PPFIA2: variants seen among roughly 807,000 people sequenced by gnomAD.
PPFIA2 encodes the protein liprin-alpha-2.
In PPFIA2, 46 loss-of-function variants were observed where a neutral mutation model predicts 175.5. That is an observed-to-expected ratio of 0.26 (90% CI 0.21 to 0.34). The LOEUF (loss-of-function observed/expected upper bound fraction) is 0.34. Among genes scored for constraint, PPFIA2 ranks in the 10% least tolerant of loss-of-function variants. PPFIA2 has a pLI of 1.00. For missense variants in PPFIA2, 1,179 were observed against 1,506.1 expected, an observed-to-expected ratio of 0.78 and a Z score of 3.60; for synonymous variants, 568 against 511.4, an observed-to-expected ratio of 1.11 and a Z score of -1.49.
chr12:81,383,363 T>C (rs1322732190), intron 9 of PPFIA2, among the ~76,000 whole-genome samples: 3 of 152,114 alleles, frequency 2.0e-5, no homozygotes, highest in Non-Finnish European at 4.4e-5. Context: ...GGTGAAAAAG[T>C]GAAAAGATTC....
chr12:81,360,413 A>AT (rs2061433187), intron 15 of PPFIA2, among the ~76,000 whole-genome samples: 1 of 151,770 alleles, frequency 6.6e-6, no homozygotes, highest in African/African-American at 2.4e-5. Flanking sequence ...CCAGGTAAGA[A>AT]TTTTTTTAGA....
At chr12:81,380,216 T>A (rs1303803336) in intron 9 of PPFIA2, among the ~76,000 whole-genome samples, 1 of 151,968 alleles carries the variant, frequency 6.6e-6, no homozygotes, top group East Asian at 1.9e-4. Flanking sequence ...AACACAAAAA[T>A]TTTCCAGACA....
chr12:81,467,661 T>A (rs1480922172), intron 4 of PPFIA2, among the ~76,000 whole-genome samples: 1 of 152,244 alleles, frequency 6.6e-6, no homozygotes, highest in Non-Finnish European at 1.5e-5. Context: ...TCTCTCTGAT[T>A]GCATCTATTA....
At chr12:81,753,812 C>T (rs949281210) in intron 3 of PPFIA2, among the ~76,000 whole-genome samples, 161 bp downstream of exon 3, 2 of 152,156 alleles carry the variant, frequency 1.3e-5, no homozygotes, top group Non-Finnish European at 2.9e-5. Flanking sequence ...TTGTTTGAGG[C>T]AAGGTTTCAA....
chr12:81,510,250 T>C (rs1375679302), intron 4 of PPFIA2, among the ~76,000 whole-genome samples: 2 of 152,094 alleles, frequency 1.3e-5, no homozygotes, highest in Admixed American at 1.3e-4. Context: ...TGTGTTTCTG[T>C]ATGTGTGTGT....
chr12:81,513,668 C>A (rs765486289), intron 4 of PPFIA2, among the ~76,000 whole-genome samples: 1 of 151,924 alleles, frequency 6.6e-6, no homozygotes, highest in African/African-American at 2.4e-5. Flanking sequence ...ATTTGTGTAA[C>A]AGTTTACTTT....
intron 4 of PPFIA2, among the ~76,000 whole-genome samples, chr12:81,536,942 A>C (rs1211331640): frequency 6.6e-6 from 1 of 151,116 alleles, no homozygotes; most frequent in Admixed American, 6.6e-5. Context: ...ACATTTTTTA[A>C]AATTCATGAT....
rs35082036 is a variant in PPFIA2 at position 81,639,540 on chromosome 12, T to TAA, written c.303+37249_303+37250dup. Reference sequence around the variant, plus strand: ...ACAATTACAAAGAACATCTACTCGGTAAAAAAAATATATATATATATAGTA... The same window carrying TAA: ...ACAATTACAAAGAACATCTACTCGGTAAAAAAAAAATATATATATATATAGTA... On this transcript the variant is annotated intron_variant, in intron 4 of 32. Coordinates refer to ENST00000549396, the MANE Select transcript of PPFIA2 (RefSeq NM_003625.5). 3.7e-4 allele frequency among the ~76,000 whole-genome samples: 55 copies of TAA among 150,632 alleles called. No homozygotes were observed. The East Asian group carries it at 3.7e-3, about 10-fold the overall frequency.
chr12:81,284,941 G>C (rs1014193369), intron 24 of PPFIA2, among the ~76,000 whole-genome samples: 1 of 152,076 alleles, frequency 6.6e-6, no homozygotes, highest in Non-Finnish European at 1.5e-5. Context: ...TTAATAAAAT[G>C]TATTTTTTAG....
At chr12:81,488,277 T>C (rs1419684368) in intron 4 of PPFIA2, among the ~76,000 whole-genome samples, 1 of 151,700 alleles carries the variant, frequency 6.6e-6, no homozygotes, top group Non-Finnish European at 1.5e-5. Context: ...GACAAGTGAG[T>C]AAAGTGTACT....
intron 4 of PPFIA2, among the ~76,000 whole-genome samples, chr12:81,552,564 T>C (rs901740065): frequency 6.6e-6 from 1 of 151,844 alleles, no homozygotes; most frequent in African/African-American, 2.4e-5. Context: ...GATGACTATA[T>C]CAATAAAAAC....
intron 4 of PPFIA2, among the ~76,000 whole-genome samples, chr12:81,600,478 C>G (rs2059674874): frequency 6.6e-6 from 1 of 151,654 alleles, no homozygotes; most frequent in Non-Finnish European, 1.5e-5. Flanking sequence ...TATTTATTTC[C>G]TTAACTATAA....
chr12:81,683,532 T>C (rs1308310649), intron 3 of PPFIA2, among the ~76,000 whole-genome samples: 3 of 152,076 alleles, frequency 2.0e-5, no homozygotes, highest in Non-Finnish European at 4.4e-5. Flanking sequence ...AACTTATTGC[T>C]ATGCTCTGCC....
Position 81,384,331 on chromosome 12 carries a change from C to T in PPFIA2, c.763-87G>A, listed in dbSNP as rs902147737. On this transcript the variant is annotated intron_variant, in intron 8 of 32. Transcript: ENST00000549396. ...TAAACTTAAAGAAATTAAACTGACA[C>T]TGCTTTCACAGTGAGAAATAAGAAA... 3 of 962,842 alleles carry T rather than the reference C, an allele frequency of 3.1e-6. No individual in the cohort carries two copies. In the African/African-American group the frequency reaches 5.1e-5, roughly 16 times the overall value. The allele number at this position is 962,842 out of a possible 1,614,324, so 59.6% of individuals were successfully genotyped here.
chr12:81,741,318 T>C (rs950160923), intron 3 of PPFIA2, among the ~76,000 whole-genome samples: 19 of 152,194 alleles, frequency 1.2e-4, no homozygotes, highest in Non-Finnish European at 2.5e-4. Context: ...TTGTTTTCAT[T>C]AAGATTTTTA....
chr12:81,455,759 G>A (rs2053468524), intron 5 of PPFIA2, among the ~76,000 whole-genome samples: 1 of 152,180 alleles, frequency 6.6e-6, no homozygotes, highest in African/African-American at 2.4e-5. Flanking sequence ...AAGTCTTTGA[G>A]TAATAATGCT....
chr12:81,602,792 C>T (rs1229004462), intron 4 of PPFIA2, among the ~76,000 whole-genome samples: 1 of 151,732 alleles, frequency 6.6e-6, no homozygotes, highest in African/African-American at 2.4e-5. Context: ...GACAGAACTC[C>T]TTAATTGCGG....
intron 4 of PPFIA2, among the ~76,000 whole-genome samples, chr12:81,465,867 A>C (rs1013154108): frequency 1.5e-4 from 23 of 152,206 alleles, no homozygotes; most frequent in Admixed American, 9.8e-4. Flanking sequence ...GAAATCATTT[A>C]GTTTGGGAAG....
chr12:81,714,510 C>T (rs1396534172), intron 3 of PPFIA2, among the ~76,000 whole-genome samples: 1 of 150,812 alleles, frequency 6.6e-6, no homozygotes, highest in Non-Finnish European at 1.5e-5. Context: ...GTGAGTCTTC[C>T]TTGAGGAGGA....
Sources: gnomAD v4.1 joint callset for allele counts (sites outside exome capture counted in the v4.1 genomes callset) on GRCh38, gnomAD v4.1.1 for gene constraint, MANE v1.5 for transcripts, NCBI Gene and HGNC (gene_info 2026-07-23, HGNC 2026-07-21) for gene names.